The following PLCB4 variants were observed in gnomAD, a reference collection of about 807,000 sequenced individuals.
PLCB4 encodes the protein 1-phosphatidylinositol 4,5-bisphosphate phosphodiesterase beta-4.
In PLCB4, 77 loss-of-function variants were observed where a neutral mutation model predicts 178.8. The ratio of observed to expected loss-of-function variants is 0.43; its 90% CI spans 0.36 to 0.52. The LOEUF is 0.52. Among genes scored for constraint, PLCB4 ranks in the 20% least tolerant of loss-of-function variants. PLCB4 has a pLI of 0.00. For missense variants in PLCB4, 1,024 were observed against 1,453.4 expected (o/e 0.70, Z 4.80); for synonymous variants, 496 against 490.8 (o/e 1.01, Z -0.14).
chr20:9,440,372 T>C (rs114745077), intron 30 of PLCB4, among the ~76,000 whole-genome samples: 3,232 of 152,304 alleles, frequency 0.021, 99 homozygotes, highest in African/African-American at 0.074. Context: ...TGCAGTACAG[T>C]GTAGAGTATA....
At chr20:9,193,852 T>G (rs1017093817) in intron 2 of PLCB4, among the ~76,000 whole-genome samples, 4 of 152,234 alleles carry the variant, frequency 2.6e-5, no homozygotes, top group Admixed American at 2.0e-4. Flanking sequence ...GACAATCTCT[T>G]TTTGAATACT....
intron 2 of PLCB4, among the ~76,000 whole-genome samples, chr20:9,123,271 G>A (rs1420917837): frequency 6.6e-6 from 1 of 151,994 alleles, no homozygotes; most frequent in Non-Finnish European, 1.5e-5. Context: ...ATTTGCCTTT[G>A]AAAATCTGTG....
chr20:9,305,862 G>A (rs891299660), intron 3 of PLCB4, among the ~76,000 whole-genome samples: 18 of 152,074 alleles, frequency 1.2e-4, no homozygotes, highest in African/African-American at 2.7e-4. Flanking sequence ...CAGTCTCATC[G>A]TCATTTACCT....
chr20:9,173,134 G>A (rs977447062), intron 2 of PLCB4, among the ~76,000 whole-genome samples: 3 of 152,200 alleles, frequency 2.0e-5, no homozygotes, highest in Non-Finnish European at 2.9e-5. Context: ...CAAAGCTTTG[G>A]TGTGGTCTGT....
At chr20:9,367,472 C>T (rs1223393868) in intron 9 of PLCB4, among the ~76,000 whole-genome samples, 2 of 152,198 alleles carry the variant, frequency 1.3e-5, no homozygotes, top group Non-Finnish European at 1.5e-5. Flanking sequence ...TTATGCTTAT[C>T]CTTATTTAAA....
At chr20:9,097,507 T>C (rs921293423) in intron 2 of PLCB4, among the ~76,000 whole-genome samples, 2 of 152,126 alleles carry the variant, frequency 1.3e-5, no homozygotes, top group South Asian at 4.1e-4. Flanking sequence ...TCCTTTCATG[T>C]TATCCTCTAG....
intron 14 of PLCB4, among the ~76,000 whole-genome samples, chr20:9,385,545 G>A (rs1477201141): frequency 6.7e-6 from 1 of 150,338 alleles, no homozygotes; most frequent in Non-Finnish European, 1.5e-5. Flanking sequence ...CCCAGACGGG[G>A]TGGCGGCCGG....
chr20:9,198,120 T>C (rs1208101558), intron 2 of PLCB4, among the ~76,000 whole-genome samples: 2 of 152,222 alleles, frequency 1.3e-5, no homozygotes, highest in African/African-American at 2.4e-5. Flanking sequence ...ACATGTTAGG[T>C]CCCTCTAGGT....
intron 3 of PLCB4, among the ~76,000 whole-genome samples, chr20:9,284,509 G>T (rs1002360566): frequency 2.0e-5 from 3 of 151,886 alleles, no homozygotes; most frequent in Non-Finnish European, 4.4e-5. Flanking sequence ...ATGAAGAAAG[G>T]GTAAAGAACC....
chr20:9,396,598 A>G (rs1016507021), intron 19 of PLCB4, among the ~76,000 whole-genome samples: 1 of 152,206 alleles, frequency 6.6e-6, no homozygotes, highest in African/African-American at 2.4e-5. Flanking sequence ...GTTTCATGAG[A>G]ATTGATGAAC....
intron 2 of PLCB4, among the ~76,000 whole-genome samples, chr20:9,183,320 C>T (rs184528781): frequency 1.7e-4 from 26 of 152,240 alleles, no homozygotes; most frequent in African/African-American, 6.3e-4. Flanking sequence ...TCCCTCCCTC[C>T]CTCAGTTAGT....
intron 1 of PLCB4, among the ~76,000 whole-genome samples, chr20:9,083,587 T>A (rs1054521058): frequency 3.9e-5 from 6 of 152,204 alleles, no homozygotes; most frequent in African/African-American, 1.4e-4. Flanking sequence ...CAGAATACAA[T>A]CCCATTTCAT....
At chr20:9,361,733 A>C (rs1009839643) in intron 7 of PLCB4, among the ~76,000 whole-genome samples, 1 of 152,240 alleles carries the variant, frequency 6.6e-6, no homozygotes, top group African/African-American at 2.4e-5. Flanking sequence ...CGCAGTCATC[A>C]CCTTTGCCCT....
At chr20:9,246,891 C>A (rs1194801579) in intron 3 of PLCB4, among the ~76,000 whole-genome samples, 1 of 151,982 alleles carries the variant, frequency 6.6e-6, no homozygotes. Context: ...TTTATTAATA[C>A]CTAGAACAAA....
At chr20:9,453,325 A>G in intron 32 of PLCB4, 22 bp from the exon 33 acceptor site, 3 of 1,441,296 alleles carry the variant, frequency 2.1e-6, no homozygotes, top group Non-Finnish European at 2.9e-6. Flanking sequence ...CCAATTCATA[A>G]CTGCAAATCC....
intron 2 of PLCB4, among the ~76,000 whole-genome samples, chr20:9,140,997 C>T (rs2092478760): frequency 1.3e-5 from 2 of 152,110 alleles, no homozygotes; most frequent in South Asian, 4.1e-4. Context: ...GACTGCCGCT[C>T]ATCCCCATTG....
rs753107422 is a variant in PLCB4 at position 9,478,957 on chromosome 20, G to A, written c.3569G>A (p.Arg1190Gln). The A allele has an allele frequency of 4.2e-5, 68 of 1,613,590 alleles. No homozygotes were observed. The South Asian group carries it at 6.7e-4, about 16-fold the overall frequency. Residue 1190 changes from arginine to glutamine, a missense_variant, in exon 40 of 40, where the codon CGA (arginine) becomes CAA (glutamine). Physicochemically the swap from Arg to Gln is conservative, Grantham distance 43 (BLOSUM62 1). Coordinates refer to ENST00000378473, the MANE Select transcript of PLCB4 (RefSeq NM_001377142.1). ...GDAADGEIGS[R>Q]DGPQTSNSSM... The stretch of plus-strand genomic sequence containing the variant: ...GCAGCAGATGGTGAAATTGGAAGCC[G>A]AGATGGACCGCAGACCAGCAACAGT...
At chr20:9,291,029 C>T (rs1471710794) in intron 3 of PLCB4, among the ~76,000 whole-genome samples, 3 of 152,086 alleles carry the variant, frequency 2.0e-5, no homozygotes, top group Non-Finnish European at 4.4e-5. Flanking sequence ...CTTCCATCTC[C>T]GATTGCCCTT....
At chr20:9,463,593 C>CAAAAAAAAAAAAA (rs145361980) in intron 35 of PLCB4, among the ~76,000 whole-genome samples, 2 of 49,714 alleles carry the variant, frequency 4.0e-5, no homozygotes, top group African/African-American at 1.6e-4. Flanking sequence ...AAATGGAAAG[C>CAAAAAAAAAAAAA]AAAAAAAAAA....
Sources: gnomAD v4.1 joint callset for allele counts (sites outside exome capture counted in the v4.1 genomes callset) on GRCh38, gnomAD v4.1.1 for gene constraint, MANE v1.5 for transcripts, NCBI Gene and HGNC (gene_info 2026-07-23, HGNC 2026-07-21) for gene names.